The following RCBTB1 variants were observed in gnomAD, a reference collection of about 807,000 sequenced individuals.
The protein encoded by RCBTB1 is RCC1 and BTB domain containing protein 1.
RCBTB1 carries 46 observed loss-of-function variants against 62.4 expected under a neutral mutation model. The ratio of observed to expected loss-of-function variants is 0.74; its 90% confidence interval spans 0.58 to 0.94. The LOEUF (loss-of-function observed/expected upper bound fraction) is 0.94. Ranked by LOEUF, RCBTB1 falls within the 40% of genes least tolerant of loss-of-function variation. The pLI is 0.00. For synonymous variants in RCBTB1, 222 were observed against 245.8 expected (o/e 0.90, Z 0.91); for missense variants, 565 against 654.9 (o/e 0.86, Z 1.50).
intron 12 of RCBTB1, among the ~76,000 whole-genome samples, chr13:49,535,468 T>C (rs989049181): frequency 1.3e-5 from 2 of 152,192 alleles, no homozygotes; most frequent in East Asian, 1.9e-4. Context: ...AGCTGGTACA[T>C]TGAAGGTCAG....
chr13:49,584,775 C>T (rs1168691634), intron 1 of RCBTB1, among the ~76,000 whole-genome samples: 1 of 152,166 alleles, frequency 6.6e-6, no homozygotes, highest in African/African-American at 2.4e-5. Context: ...CCGCAGATGG[C>T]TTGAAAGTGT....
rs1960735046 is a variant in RCBTB1 at position 49,545,708 on chromosome 13, G to A, written c.1046-845C>T. ...AGATCCTGACCAGGCATCGAATCAAGCTGCTATGGATACACGAAGCAGGTT... is the reference window on the plus strand; with the variant it reads ...AGATCCTGACCAGGCATCGAATCAAACTGCTATGGATACACGAAGCAGGTT... On this transcript the variant is annotated intron_variant, in intron 9 of 12. Coordinates refer to ENST00000378302, the MANE Select transcript of RCBTB1 (RefSeq NM_018191.4). Among the ~76,000 whole-genome samples, 7 of 152,194 alleles carry A rather than the reference G, an allele frequency of 4.6e-5. No individual in the cohort carries two copies. The South Asian group carries it at 1.5e-3, about 32-fold the overall frequency.
intron 11 of RCBTB1, 34 bp downstream of exon 11, chr13:49,541,642 A>G (rs1594253298): frequency 6.3e-7 from 1 of 1,578,668 alleles, no homozygotes; most frequent in East Asian, 2.3e-5. Context: ...ATTCTCCACC[A>G]TGCGGCTCGT....
At chr13:49,568,809 G>A (rs1963204881) in intron 2 of RCBTB1, among the ~76,000 whole-genome samples, 1 of 152,088 alleles carries the variant, frequency 6.6e-6, no homozygotes, top group Non-Finnish European at 1.5e-5. Flanking sequence ...TGTGCCTGCA[G>A]TCCCAGCTAC....
intron 6 of RCBTB1, among the ~76,000 whole-genome samples, chr13:49,554,953 T>C (rs1391498673): frequency 6.6e-6 from 1 of 152,228 alleles, no homozygotes; most frequent in Non-Finnish European, 1.5e-5. Context: ...ATAGCCTATT[T>C]AAGTGGAAGC....
intron 12 of RCBTB1, among the ~76,000 whole-genome samples, chr13:49,535,151 A>G (rs4942843): frequency 0.61 from 92,309 of 151,470 alleles, 29,130 homozygotes; most frequent in Non-Finnish European, 0.71. Flanking sequence ...ATCTCAGAAC[A>G]TCACCCCCAC....
At chr13:49,558,695 C>CAAAAAA (rs1186659232) in intron 5 of RCBTB1, among the ~76,000 whole-genome samples, 79 of 59,232 alleles carry the variant, frequency 1.3e-3, no homozygotes, top group African/African-American at 5.2e-3. Flanking sequence ...ACTCTGTCTC[C>CAAAAAA]AAAAAAAAAA....
At chr13:49,557,448 T>G (rs7989286) in intron 5 of RCBTB1, among the ~76,000 whole-genome samples, 129,471 of 152,118 alleles carry the variant, frequency 0.85, 55,229 homozygotes, top group East Asian at 0.89. Flanking sequence ...CTTGGGGGCT[T>G]AACAAGTGTT....
Position 49,555,651 on chromosome 13 carries a change from T to G in RCBTB1, c.467A>C (p.Asn156Thr). 6.2e-7 allele frequency: 1 copy of G among 1,606,096 alleles called. No homozygotes were observed. Among genetic ancestry groups the G allele is most frequent in the Middle Eastern group, 1.7e-4 (1 of 5,990 alleles). ...DGEVFAWGYNNCGQVGSGSTA... is the reference protein window; with the variant it reads ...DGEVFAWGYNTCGQVGSGSTA... ...AGAACCTGATCCCACTTGGCCACAG[T>G]TGTTATAACCCCAAGCAAACACCTA... is the stretch of plus-strand genomic sequence containing the variant. Residue 156 changes from asparagine to threonine, a missense_variant, in exon 6 of 13, where the codon AAC (asparagine) becomes ACC (threonine). Asn to Thr is a moderately conservative substitution (Grantham distance 65). Coordinates refer to ENST00000378302, the MANE Select transcript of RCBTB1 (RefSeq NM_018191.4).
At position 49,585,556 on chromosome 13, in the gene RCBTB1, A is replaced by C. The variant is rs1453774589; in HGVS notation, c.-234T>G. 12 of 150,560 alleles carry C rather than the reference A, an allele frequency of 8.0e-5. No individual in the cohort carries two copies. The highest frequency in any genetic ancestry group is 1.8e-4 in the Non-Finnish European group (12 of 67,788). 9.3% of individuals were successfully genotyped at this position (150,560 alleles called of 1,614,324 possible). ...GTGCCCACCGGCAGCGAAGAGGAGG[A>C]GCGCCAGGGCGCCGGGCCCGCCGGG... On this transcript the variant is annotated 5_prime_UTR_variant, in exon 1 of 13. Coordinates refer to ENST00000378302, the MANE Select transcript of RCBTB1 (RefSeq NM_018191.4).
At chr13:49,554,372 G>T (rs1278431251) in intron 6 of RCBTB1, among the ~76,000 whole-genome samples, 3 of 152,198 alleles carry the variant, frequency 2.0e-5, no homozygotes, top group East Asian at 3.9e-4. Flanking sequence ...AATAAGAGAA[G>T]AATACTGGAA....
At chr13:49,554,875 C>CA (rs1184099119) in intron 6 of RCBTB1, among the ~76,000 whole-genome samples, 2 of 152,140 alleles carry the variant, frequency 1.3e-5, no homozygotes, top group Non-Finnish European at 2.9e-5. Context: ...TGCATGATGC[C>CA]AAAACATCTG....
chr13:49,564,583 C>CAAAAAAAAAAAAAAAAAAAA (rs10710755), intron 4 of RCBTB1, among the ~76,000 whole-genome samples: 5 of 39,320 alleles, frequency 1.3e-4, no homozygotes, highest in African/African-American at 6.3e-4. Flanking sequence ...GACTCCTTCT[C>CAAAAAAAAAAAAAAAAAAAA]AAAAAAAAAA....
chr13:49,544,708 T>C lies in RCBTB1; in HGVS notation c.1172+29A>G, dbSNP rs758815759. The C allele has an allele frequency of 1.3e-5, 20 of 1,574,448 alleles. No homozygotes were observed. In the East Asian group the frequency reaches 2.5e-4, roughly 20 times the overall value. On this transcript the variant is annotated intron_variant, in intron 10 of 12. Coordinates refer to ENST00000378302, the MANE Select transcript of RCBTB1 (RefSeq NM_018191.4). ...TAACAAAGAAAGAAAAGTCAAGTTA[T>C]TGATGTCTCTGAGCTCATGCAAAAA...
intron 2 of RCBTB1, among the ~76,000 whole-genome samples, chr13:49,570,828 A>G (rs1407481580): frequency 6.6e-6 from 1 of 152,168 alleles, no homozygotes; most frequent in African/African-American, 2.4e-5. Flanking sequence ...TGAGGAGGAG[A>G]CTGTAAACCA....
chr13:49,559,243 CAA>C (rs1962209967), intron 5 of RCBTB1, among the ~76,000 whole-genome samples: 1 of 152,150 alleles, frequency 6.6e-6, no homozygotes, highest in Non-Finnish European at 1.5e-5. Context: ...TCATATGGTA[CAA>C]AGTGGATGAA....
At chr13:49,579,911 T>C (rs1963999565) in intron 2 of RCBTB1, among the ~76,000 whole-genome samples, 1 of 152,258 alleles carries the variant, frequency 6.6e-6, no homozygotes, top group Admixed American at 6.5e-5. Flanking sequence ...CAACCACTAA[T>C]AAGTTATTTG....
intron 2 of RCBTB1, among the ~76,000 whole-genome samples, chr13:49,576,229 A>G (rs1328983239): frequency 7.0e-6 from 1 of 142,716 alleles, no homozygotes; most frequent in Non-Finnish European, 1.5e-5. Flanking sequence ...TTTTTTAAGT[A>G]GTCTAGAGAT....
rs17073145 is a variant in RCBTB1 at position 49,559,963 on chromosome 13, T to C, written c.399A>G (p.Val133=). The C allele has an allele frequency of 0.18, 284,640 of 1,613,144 alleles. 30,444 individuals are homozygous for C. The highest frequency in any genetic ancestry group is 0.45 in the African/African-American group (33,353 of 74,874). The stretch of plus-strand genomic sequence containing the variant: ...CCATTGAATGATGTGAGCCACAAGC[T>C]ACTTCCACCACTTGCTTGATCAAGA... ...TNLLIKQVVE[V]ACGSHHSMAL... Residue 133 remains valine, a synonymous_variant, in exon 5 of 13, where the codon GTA becomes GTG. Coordinates refer to ENST00000378302, the MANE Select transcript of RCBTB1 (RefSeq NM_018191.4).
Sources: gnomAD v4.1 joint callset for allele counts (sites outside exome capture counted in the v4.1 genomes callset) on GRCh38, gnomAD v4.1.1 for gene constraint, MANE v1.5 for transcripts, NCBI Gene and HGNC (gene_info 2026-07-23, HGNC 2026-07-21) for gene names.